Variants in PKNOX2 observed in about 807,000 individuals in gnomAD.
The protein encoded by PKNOX2 is homeobox protein PKNOX2.
In PKNOX2, 14 loss-of-function variants were observed where a neutral mutation model predicts 53.1. The observed-to-expected ratio is 0.26, with a 90% CI of 0.17 to 0.41. PKNOX2 has a LOEUF of 0.41. Among genes scored for constraint, PKNOX2 ranks in the 10% least tolerant of loss-of-function variants. The pLI is 1.00. For synonymous variants in PKNOX2, 257 were observed against 242.8 expected, an observed-to-expected ratio of 1.06 and a Z score of -0.54; for missense variants, 496 against 602.8, an observed-to-expected ratio of 0.82 and a Z score of 1.85.
intron 5 of PKNOX2, among the ~76,000 whole-genome samples, chr11:125,373,385 G>A (rs965401033): frequency 2.6e-5 from 4 of 152,268 alleles, no homozygotes; most frequent in South Asian, 2.1e-4. Context: ...TCGGGGTCAC[G>A]AGCACAGCCT....
chr11:125,246,299 A>C (rs1943558099), intron 2 of PKNOX2, among the ~76,000 whole-genome samples: 1 of 152,244 alleles, frequency 6.6e-6, no homozygotes, highest in Admixed American at 6.5e-5. Flanking sequence ...AGAGAGAGAC[A>C]GCAAGAGGGA....
chr11:125,409,743 C>T (rs1306463998), intron 7 of PKNOX2, among the ~76,000 whole-genome samples: 3 of 151,976 alleles, frequency 2.0e-5, no homozygotes, highest in Non-Finnish European at 2.9e-5. Flanking sequence ...TTCTCAGACC[C>T]GGCTGACAGT....
intron 1 of PKNOX2, among the ~76,000 whole-genome samples, chr11:125,170,198 C>T (rs1955176758): frequency 6.6e-6 from 1 of 152,200 alleles, no homozygotes; most frequent in African/African-American, 2.4e-5. Context: ...ACACCCGGCA[C>T]TTACACAAAA....
intron 1 of PKNOX2, among the ~76,000 whole-genome samples, chr11:125,215,385 C>G (rs1289858065): frequency 6.6e-6 from 1 of 152,086 alleles, no homozygotes; most frequent in Non-Finnish European, 1.5e-5. Flanking sequence ...CCTTACTTTT[C>G]TCACCTGTAA....
chr11:125,167,561 G>A (rs926641048), intron 1 of PKNOX2, among the ~76,000 whole-genome samples: 3 of 152,338 alleles, frequency 2.0e-5, no homozygotes, highest in East Asian at 3.9e-4. Context: ...CAGAATAAGG[G>A]GCAGGGGGTT....
At chr11:125,210,193 C>T (rs548037195) in intron 1 of PKNOX2, among the ~76,000 whole-genome samples, 4 of 152,228 alleles carry the variant, frequency 2.6e-5, no homozygotes, top group African/African-American at 9.6e-5. Context: ...TCTGGGAGTC[C>T]TGAAGAGTCC....
intron 2 of PKNOX2, among the ~76,000 whole-genome samples, chr11:125,241,575 G>A (rs1016237637): frequency 1.3e-5 from 2 of 152,218 alleles, no homozygotes; most frequent in Non-Finnish European, 2.9e-5. Context: ...AGAAAGGAGG[G>A]GACTGGCGCG....
At chr11:125,289,954 C>T (rs1030413270) in intron 2 of PKNOX2, among the ~76,000 whole-genome samples, 1 of 152,194 alleles carries the variant, frequency 6.6e-6, no homozygotes, top group Admixed American at 6.5e-5. Flanking sequence ...TCCTGGCAAC[C>T]ACAATCTGTT....
At position 125,178,630 on chromosome 11, in the gene PKNOX2, GAAAGAAAGAAA is replaced by G. The variant is rs1565462398; in HGVS notation, c.-201+13855_-201+13865del. ...GGAAGGAAAGAAAGAAAGAAAGAAA[GAAAGAAAGAAA>G]GAAAGAAGGAAGGAAGGAAGGAAGG... is the stretch of plus-strand genomic sequence containing the variant. On this transcript the variant is annotated intron_variant, in intron 1 of 12. Transcript: ENST00000298282. Among the ~76,000 whole-genome samples, 152 of 88,210 alleles carry G rather than the reference GAAAGAAAGAAA, an allele frequency of 1.7e-3. 1 individual carries two copies. The highest frequency in any genetic ancestry group is 8.9e-3 in the African/African-American group (124 of 13,952). The allele number at this position is 88,210 out of a possible 152,430, so 57.9% of individuals were successfully genotyped here.
intron 2 of PKNOX2, among the ~76,000 whole-genome samples, chr11:125,301,363 A>G (rs1948052517): frequency 6.6e-6 from 1 of 151,588 alleles, no homozygotes; most frequent in African/African-American, 2.4e-5. Flanking sequence ...CTACCCAAAG[A>G]CTCTTGGGTA....
intron 3 of PKNOX2, among the ~76,000 whole-genome samples, chr11:125,341,411 A>G (rs1950680529): frequency 6.6e-6 from 1 of 152,134 alleles, no homozygotes; most frequent in Non-Finnish European, 1.5e-5. Context: ...AAATTAAACT[A>G]TAACCATGTA....
intron 6 of PKNOX2, 53 bp downstream of exon 6, chr11:125,385,775 C>G: frequency 6.4e-7 from 1 of 1,560,022 alleles, no homozygotes; most frequent in Non-Finnish European, 8.6e-7. Context: ...CCTCTGACCC[C>G]CTTCAAAATG....
chr11:125,315,314 A>AC (rs1370827424), intron 2 of PKNOX2, among the ~76,000 whole-genome samples: 1 of 150,520 alleles, frequency 6.6e-6, no homozygotes, highest in Admixed American at 6.6e-5. Context: ...AAAAAAAAAA[A>AC]AAAAAAAAAA....
intron 2 of PKNOX2, among the ~76,000 whole-genome samples, chr11:125,242,336 C>T (rs1023544217): frequency 2.6e-5 from 4 of 152,180 alleles, no homozygotes; most frequent in African/African-American, 7.2e-5. Flanking sequence ...TTCCCAGTCT[C>T]CCCTCTTCAT....
chr11:125,427,778 C>T (rs567926922), intron 10 of PKNOX2, among the ~76,000 whole-genome samples: 165 of 152,216 alleles, frequency 1.1e-3, no homozygotes, highest in African/African-American at 3.6e-3. Flanking sequence ...ATAAGAGCCC[C>T]CAAACCTCCC....
rs1954846962 is a variant in PKNOX2, at chr11:125,165,999, C to T, written c.-201+1223C>T. 6.6e-6 allele frequency among the ~76,000 whole-genome samples: 1 copy of T among 151,980 alleles called. No homozygotes were observed. Among genetic ancestry groups the T allele is most frequent in the Admixed American group, 6.6e-5 (1 of 15,258 alleles). On this transcript the variant is annotated intron_variant, in intron 1 of 12. Transcript: ENST00000298282. This position sits in a 1 kb window ranked among gnomAD's most constrained non-coding sequence, Gnocchi z 4.5. ...CGGGGGTTTCCGCGCGGTGGGGAGA[C>T]TCGGGTTGGGAATTGAGGGGTAGGG...
At chr11:125,239,734 T>A (rs1475887117) in intron 2 of PKNOX2, 2 of 152,190 alleles carry the variant, frequency 1.3e-5, no homozygotes, top group Non-Finnish European at 2.9e-5. Flanking sequence ...GAAGGGTGTG[T>A]GCTAAGGTTT....
chr11:125,416,715 G>T (rs1955904987), intron 10 of PKNOX2, among the ~76,000 whole-genome samples: 1 of 152,060 alleles, frequency 6.6e-6, no homozygotes, highest in Non-Finnish European at 1.5e-5. Flanking sequence ...CAGTTCTAAT[G>T]ATTTACAGAA....
At chr11:125,285,798 A>G (rs961176133) in intron 2 of PKNOX2, among the ~76,000 whole-genome samples, 1 of 152,230 alleles carries the variant, frequency 6.6e-6, no homozygotes, top group African/African-American at 2.4e-5. Context: ...ATTCTATTAA[A>G]AACACAGGTA....
Sources: gnomAD v4.1 joint callset for allele counts (sites outside exome capture counted in the v4.1 genomes callset) on GRCh38, gnomAD v4.1.1 for gene constraint, Gnocchi (gnomAD v3.1) non-coding constraint, MANE v1.5 for transcripts, NCBI Gene and HGNC (gene_info 2026-07-23, HGNC 2026-07-21) for gene names.